The following CEP63 variants were observed in gnomAD, a reference collection of about 807,000 sequenced individuals.
CEP63 encodes the protein centrosomal protein 63.
CEP63 carries 84 observed loss-of-function variants against 89.1 expected under a neutral mutation model. The observed-to-expected ratio is 0.94, with a 90% CI of 0.79 to 1.13. The LOEUF (loss-of-function observed/expected upper bound fraction) is 1.13. Ranked by LOEUF, CEP63 falls within the 50% of genes most tolerant of loss-of-function variation. The probability of loss-of-function intolerance (pLI) is 0.00; values close to 1 mark genes in which losing one functional copy is unlikely to be tolerated. For synonymous variants in CEP63, 267 were observed against 272.5 expected (o/e 0.98, Z 0.20); for missense variants, 838 against 813.3 (o/e 1.03, Z -0.37).
chr3:134,758,730 T>C, the CEP63 span, among the ~76,000 whole-genome samples: 2 of 152,148 alleles, frequency 1.3e-5, no homozygotes, highest in Non-Finnish European at 2.9e-5. Context: ...TTCCTGAGGG[T>C]TCACTTCCTA....
chr3:134,523,404 A>G (rs1210625764), intron 3 of CEP63, among the ~76,000 whole-genome samples: 2 of 151,960 alleles, frequency 1.3e-5, no homozygotes, highest in Non-Finnish European at 2.9e-5. Flanking sequence ...ATTAGATCCC[A>G]TTTGTTGACT....
chr3:134,608,759 A>G, the CEP63 span: 7 of 1,614,062 alleles, frequency 4.3e-6, no homozygotes, highest in Non-Finnish European at 5.9e-6. Flanking sequence ...AGGAGGTTTT[A>G]GCAGCTGCCA....
intron 3 of CEP63, chr3:134,510,543 T>A: frequency 2.2e-6 from 1 of 460,076 alleles, no homozygotes; most frequent in Non-Finnish European, 4.1e-6. Flanking sequence ...CTGGATGCTT[T>A]TTATTAAGAC....
At chr3:134,636,485 A>G in the CEP63 span, among the ~76,000 whole-genome samples, 2 of 152,226 alleles carry the variant, frequency 1.3e-5, no homozygotes, top group Non-Finnish European at 2.9e-5. Flanking sequence ...GATCCCAGCC[A>G]TAACAGCCAT....
At chr3:134,749,652 C>CGCTTT in the CEP63 span, among the ~76,000 whole-genome samples, 43 of 122,676 alleles carry the variant, frequency 3.5e-4, 1 homozygote, top group East Asian at 9.8e-3. Flanking sequence ...CCCTCCCCAC[C>CGCTTT]GCTTTGCAAC....
At position 134,534,531 on chromosome 3, in the gene CEP63, C is replaced by T. The variant is rs1047245025; in HGVS notation, c.441+1631C>T. Among the ~76,000 whole-genome samples the T allele has an allele frequency of 2.6e-5, 4 of 152,134 alleles. No individual in the cohort carries two copies. The South Asian group carries it at 6.2e-4, about 24-fold the overall frequency. On this transcript the variant is annotated intron_variant, in intron 5 of 14. Coordinates refer to ENST00000675561, the MANE Select transcript of CEP63 (RefSeq NM_001353108.3). ...TTATCTACTTGGTGTTCTCACTTAT[C>T]GGTCCTTAGCCAGCTTTTAAATTCT...
chr3:134,557,238 G>C (rs916339682), intron 12 of CEP63, among the ~76,000 whole-genome samples: 2 of 151,946 alleles, frequency 1.3e-5, no homozygotes, highest in African/African-American at 4.8e-5. Flanking sequence ...ATCTGGCATT[G>C]ACAACTTGTT....
the CEP63 span, among the ~76,000 whole-genome samples, chr3:134,666,564 T>C: frequency 6.6e-6 from 1 of 152,232 alleles, no homozygotes; most frequent in African/African-American, 2.4e-5. Context: ...TTCTCCACAG[T>C]TGCTGGAGGC....
chr3:134,776,359 C>T, the CEP63 span, among the ~76,000 whole-genome samples: 3 of 152,160 alleles, frequency 2.0e-5, no homozygotes, highest in Non-Finnish European at 4.4e-5. Context: ...TATTAAAAAT[C>T]ACCATTTCAA....
rs1957343158 is a variant in CEP63, at chr3:134,561,507, CAGTG to C, written c.2087_2090del (p.Val696AspfsTer6). 5 of 1,613,794 alleles carry C rather than the reference CAGTG, an allele frequency of 3.1e-6. No individual in the cohort carries two copies. In the South Asian group the frequency reaches 4.4e-5, roughly 14 times the overall value. ...GAACTAAAAAGAGAGAGTGAAAAGA[CAGTG>C]AGACAATTCACAGCCTTAAAGTAGC... On this transcript the variant is annotated frameshift_variant, in exon 15 of 15. Coordinates refer to ENST00000675561, the MANE Select transcript of CEP63 (RefSeq NM_001353108.3). LOFTEE classifies it high-confidence loss of function.
chr3:134,550,000 CAT>C, intron 10 of CEP63, 61 bp from the exon 11 acceptor site: 2 of 1,126,840 alleles, frequency 1.8e-6, no homozygotes, highest in Non-Finnish European at 2.7e-6. Context: ...TAGCTAGTAA[CAT>C]ATTATTCTAT....
the CEP63 span, among the ~76,000 whole-genome samples, chr3:134,598,397 G>A: frequency 0.34 from 51,035 of 152,034 alleles, 8,921 homozygotes; most frequent in South Asian, 0.36. Context: ...TGCCTTTCCC[G>A]CTAGTGCCTA....
chr3:134,520,338 A>G (rs1374760450), intron 3 of CEP63, among the ~76,000 whole-genome samples: 2 of 152,200 alleles, frequency 1.3e-5, no homozygotes, highest in Non-Finnish European at 2.9e-5. Flanking sequence ...TCAAAAAAGC[A>G]CCAAATAGAG....
chr3:134,620,460 G>T, the CEP63 span, among the ~76,000 whole-genome samples: 1 of 152,194 alleles, frequency 6.6e-6, no homozygotes, highest in East Asian at 1.9e-4. Flanking sequence ...ACAGAGGGAA[G>T]GCTGGGACAG....
At chr3:134,709,285 G>A in the CEP63 span, among the ~76,000 whole-genome samples, 5 of 152,250 alleles carry the variant, frequency 3.3e-5, no homozygotes, top group African/African-American at 9.6e-5. Flanking sequence ...GGATTCCAGA[G>A]TATTGGACAT....
At chr3:134,492,136 C>T (rs1167404582) in intron 1 of CEP63, among the ~76,000 whole-genome samples, 3 of 139,486 alleles carry the variant, frequency 2.2e-5, no homozygotes, top group Admixed American at 7.9e-5. Context: ...TGCAGTGGCG[C>T]GATCTTGACT....
At chr3:134,501,677 T>C (rs929924894) in intron 2 of CEP63, among the ~76,000 whole-genome samples, 8 of 152,250 alleles carry the variant, frequency 5.3e-5, no homozygotes, top group African/African-American at 1.9e-4. Context: ...TACATTGATT[T>C]TGTATTCTGA....
chr3:134,679,459 G>A, the CEP63 span, among the ~76,000 whole-genome samples: 40 of 152,260 alleles, frequency 2.6e-4, no homozygotes, highest in Non-Finnish European at 4.4e-4. Context: ...TAGGAGTCTC[G>A]GGAGCAGTCC....
intron 3 of CEP63, among the ~76,000 whole-genome samples, chr3:134,522,380 G>A (rs1056235589): frequency 6.6e-6 from 1 of 152,114 alleles, no homozygotes. Context: ...GTTCACAAGG[G>A]ATATAGGTGA....
Sources: gnomAD v4.1 joint callset for allele counts (sites outside exome capture counted in the v4.1 genomes callset) on GRCh38, gnomAD v4.1.1 for gene constraint, MANE v1.5 for transcripts, NCBI Gene and HGNC (gene_info 2026-07-23, HGNC 2026-07-21) for gene names.